The following PDE4A variants were observed in gnomAD, a reference collection of about 807,000 sequenced individuals.
PDE4A encodes the protein phosphodiesterase 4A, also known as 3',5'-cyclic-AMP phosphodiesterase 4A.
Under a neutral mutation model 73.9 loss-of-function variants are expected in PDE4A, and 21 were observed. The ratio of observed to expected loss-of-function variants is 0.28; its 90% CI spans 0.20 to 0.41. The LOEUF (loss-of-function observed/expected upper bound fraction) is 0.41. Among genes scored for constraint, PDE4A ranks in the 10% least tolerant of loss-of-function variants. The pLI is 1.00. For missense variants in PDE4A, 958 were observed against 1,211.4 expected, an observed-to-expected ratio of 0.79 and a Z score of 3.10; for synonymous variants, 463 against 505.4, an observed-to-expected ratio of 0.92 and a Z score of 1.13.
Position 10,420,877 on chromosome 19 carries a change from G to T in PDE4A, c.113G>T (p.Arg38Leu). 1 of 1,589,576 alleles carries T rather than the reference G, an allele frequency of 6.3e-7. No individual in the cohort carries two copies. The highest frequency in any genetic ancestry group is 2.3e-5 in the East Asian group (1 of 43,720). ...CCGCAGCACCTGTGGCGGCAGCCTC[G>T]GACCCCCATCCGTATCCAGCAGCGC... Reference protein sequence around the residue: ...PPPQHLWRQPRTPIRIQQRGY... With the variant: ...PPPQHLWRQPLTPIRIQQRGY... The change falls in exon 1 of 15, where the codon CGG (arginine) becomes CTG (leucine). Residue 38 changes from arginine to leucine, a missense_variant. This residue lies in a region of PDE4A where 145 missense variants were observed against 137.8 expected (regional missense o/e 1.05). Coordinates refer to ENST00000380702, the MANE Select transcript of PDE4A (RefSeq NM_001111307.2). The surrounding 1 kb of genome is among the most constrained non-coding windows in gnomAD (Gnocchi z 6.0).
chr19:10,461,068 A>T lies in PDE4A; in HGVS notation c.1430A>T (p.His477Leu). Residue 477 changes from histidine to leucine, a missense_variant, in exon 11 of 15, where the codon CAC becomes CTC. Physicochemically the swap from His to Leu is moderately conservative, Grantham distance 99. This residue lies in a region of PDE4A where 570 missense variants were observed against 827.7 expected (regional missense o/e 0.69). Transcript: ENST00000380702. ...GCGGCTGCCATCCACGATGTGGATCACCCTGGGGTCTCCAACCAGTTCCTC... is the reference window on the plus strand; with the variant it reads ...GCGGCTGCCATCCACGATGTGGATCTCCCTGGGGTCTCCAACCAGTTCCTC... ...LFAAAIHDVD[H>L]PGVSNQFLIN... The T allele has an allele frequency of 6.2e-7, 1 of 1,613,316 alleles. No individual in the cohort carries two copies. Among genetic ancestry groups the T allele is most frequent in the Non-Finnish European group, 8.5e-7 (1 of 1,179,492 alleles).
At chr19:10,437,990 G>A (rs2042887671) in intron 1 of PDE4A, among the ~76,000 whole-genome samples, 1 of 151,302 alleles carries the variant, frequency 6.6e-6, no homozygotes, top group African/African-American at 2.4e-5. Context: ...TTCATTTTTT[G>A]TAGAGATAGG....
Position 10,453,356 on chromosome 19 carries a change from G to GC in PDE4A, c.784-1472dup, listed in dbSNP as rs745608937. ...TAGGAGAGTGCAGGGTAGGGGGTGG[G>GC]CGGGCATCCTGGTGAGCTGGGCCCC... On this transcript the variant is annotated intron_variant, in intron 6 of 14. Transcript: ENST00000380702. The surrounding 1 kb of genome is among the most constrained non-coding windows in gnomAD (Gnocchi z 4.6). 6.2e-6 allele frequency: 10 copies of GC among 1,603,776 alleles called. No individual in the cohort carries two copies. The highest frequency in any genetic ancestry group is 2.7e-5 in the African/African-American group (2 of 74,574).
intron 14 of PDE4A, chr19:10,464,418 T>C: frequency 2.2e-6 from 1 of 455,024 alleles, no homozygotes; most frequent in South Asian, 1.6e-5. Context: ...TTTATTTAGG[T>C]TTTATTTATT....
rs1568376713 is a variant in PDE4A, at chr19:10,450,598, T to C, written c.621-5T>C. The C allele has an allele frequency of 5.6e-6, 9 of 1,604,210 alleles. No homozygotes were observed. Among genetic ancestry groups the C allele is most frequent in the Non-Finnish European group, 7.7e-6 (9 of 1,176,130 alleles). On this transcript the variant is annotated splice_polypyrimidine_tract_variant and splice_region_variant and intron_variant, in intron 4 of 14. Coordinates refer to ENST00000380702, the MANE Select transcript of PDE4A (RefSeq NM_001111307.2). Reference sequence around the variant, plus strand: ...CATTGCAGCCCCATTTTTTTTTTTCTGCAGGCGGTCCCCGCTGGGCGGCCC... The same window carrying C: ...CATTGCAGCCCCATTTTTTTTTTTCCGCAGGCGGTCCCCGCTGGGCGGCCC...
chr19:10,420,502 C>T (rs542350928), upstream of PDE4A: 11 of 916,404 alleles, frequency 1.2e-5, no homozygotes, highest in East Asian at 7.1e-4. The surrounding 1 kb of genome is among the most constrained non-coding windows in gnomAD (Gnocchi z 6.0). Flanking sequence ...GGGCTGGCGC[C>T]GAGCGGGCCG....
At chr19:10,438,828 A>G (rs2042899618) in intron 1 of PDE4A, among the ~76,000 whole-genome samples, 1 of 151,194 alleles carries the variant, frequency 6.6e-6, no homozygotes, top group Non-Finnish European at 1.5e-5. Context: ...CTGGTCTCGA[A>G]CTCCCAACCT....
intron 1 of PDE4A, among the ~76,000 whole-genome samples, chr19:10,440,916 T>C (rs2042929268): frequency 6.6e-6 from 1 of 151,388 alleles, no homozygotes. Context: ...TTTTTTTTTT[T>C]TGGTTGAGAC....
At chr19:10,454,466 C>T (rs868637009) in intron 6 of PDE4A, among the ~76,000 whole-genome samples, 6 of 152,212 alleles carry the variant, frequency 3.9e-5, no homozygotes, top group Admixed American at 2.6e-4. Flanking sequence ...TAAGGAGACT[C>T]CCATCGCCAT....
rs777342589 is a variant in PDE4A at position 10,467,329 on chromosome 19, C to G, written c.2369C>G (p.Pro790Arg). 1.2e-6 allele frequency: 2 copies of G among 1,614,202 alleles called. No individual in the cohort carries two copies. The highest frequency in any genetic ancestry group is 1.1e-5 in the South Asian group (1 of 91,088). The change falls in exon 15 of 15, where the codon CCT becomes CGT. Residue 790 changes from proline (P) to arginine (R), a missense_variant. By Grantham distance (103) the Pro-to-Arg change is moderately radical. Around this residue, in one of 3 missense-constraint regions of PDE4A, gnomAD observed 243 missense variants for 245.9 expected, o/e 0.99. Transcript: ENST00000380702. The stretch of plus-strand genomic sequence containing the variant: ...CAGGCACAGTCCACAGGCAGTGCAC[C>G]TGTGGCTCCGGATGAGTTCTCGTCC... ...TQQAQSTGSA[P>R]VAPDEFSSRE...
chr19:10,449,534 AT>A (rs2043061471), intron 4 of PDE4A, among the ~76,000 whole-genome samples: 1 of 151,670 alleles, frequency 6.6e-6, no homozygotes, highest in South Asian at 2.1e-4. Context: ...TAATTTTTGT[AT>A]TTTTAGTAGA....
In PDE4A at chr19:10,461,114, C is replaced by G; in HGVS notation, c.1465+11C>G. 2 of 1,605,780 alleles carry G rather than the reference C, an allele frequency of 1.2e-6. No individual in the cohort carries two copies. The highest frequency in any genetic ancestry group is 1.7e-6 in the Non-Finnish European group (2 of 1,173,488). On this transcript the variant is annotated intron_variant, in intron 11 of 14. Coordinates refer to ENST00000380702, the MANE Select transcript of PDE4A (RefSeq NM_001111307.2). ...TCCTCATCAACACCAGTGAGTGGCC[C>G]TCGCCAGGGGCGGGGTTTGCTGAGT...
chr19:10,448,711 A>T, intron 2 of PDE4A: 1 of 527,720 alleles, frequency 1.9e-6, no homozygotes, highest in Non-Finnish European at 2.4e-6. Context: ...CCCCGGACCT[A>T]CCTGAGCCAC....
Position 10,439,901 on chromosome 19 carries a change from G to A in PDE4A, c.321-6317G>A, listed in dbSNP as rs538104655. 4.9e-4 allele frequency among the ~76,000 whole-genome samples: 75 copies of A among 152,052 alleles called. 1 individual carries two copies. Among genetic ancestry groups the A allele is most frequent in the Non-Finnish European group, 9.9e-4 (67 of 67,994 alleles). The stretch of plus-strand genomic sequence containing the variant: ...CAAAATACCCTCCTTGGCATTGCAT[G>A]CAGGGGATGGAGGAACCCTAAGATC... On this transcript the variant is annotated intron_variant, in intron 1 of 14. Transcript: ENST00000380702.
At chr19:10,439,170 G>T (rs947522682) in intron 1 of PDE4A, among the ~76,000 whole-genome samples, 1 of 151,864 alleles carries the variant, frequency 6.6e-6, no homozygotes, top group African/African-American at 2.4e-5. Context: ...TTTGTTTTGA[G>T]GGTTTTTTGT....
chr19:10,431,612 G>A (rs2042789318), intron 1 of PDE4A, among the ~76,000 whole-genome samples: 1 of 152,228 alleles, frequency 6.6e-6, no homozygotes, highest in Non-Finnish European at 1.5e-5. Flanking sequence ...ATATCCTGGA[G>A]GCAGAAGTTG....
chr19:10,461,071 C>T lies in PDE4A; in HGVS notation c.1433C>T (p.Pro478Leu). The T allele has an allele frequency of 6.2e-7, 1 of 1,613,498 alleles. No individual in the cohort carries two copies. The highest frequency in any genetic ancestry group is 8.5e-7 in the Non-Finnish European group (1 of 1,179,546). Residue 478 changes from proline (P) to leucine (L), a missense_variant, in exon 11 of 15, where the codon CCT (proline) becomes CTT (leucine). Transcript: ENST00000380702. Reference sequence around the variant, plus strand: ...GCTGCCATCCACGATGTGGATCACCCTGGGGTCTCCAACCAGTTCCTCATC... The same window carrying T: ...GCTGCCATCCACGATGTGGATCACCTTGGGGTCTCCAACCAGTTCCTCATC... Reference protein sequence around the residue: ...FAAAIHDVDHPGVSNQFLINT... With the variant: ...FAAAIHDVDHLGVSNQFLINT...
chr19:10,439,860 A>G (rs981181400), intron 1 of PDE4A, among the ~76,000 whole-genome samples: 5 of 152,160 alleles, frequency 3.3e-5, no homozygotes, highest in African/African-American at 1.2e-4. Flanking sequence ...AAGGTGGCTC[A>G]GGACACAGCT....
chr19:10,453,255 G>C lies in PDE4A; in HGVS notation c.784-1574G>C. 1 of 1,611,636 alleles carries C rather than the reference G, an allele frequency of 6.2e-7. No individual in the cohort carries two copies. Among genetic ancestry groups the C allele is most frequent in the Non-Finnish European group, 8.5e-7 (1 of 1,178,960 alleles). ...TGTGCAGCAGCCCCAGGCGGGCTAA[G>C]TCTCCAAGATGCCCTTGGTGGATTT... On this transcript the variant is annotated intron_variant, in intron 6 of 14. Coordinates refer to ENST00000380702, the MANE Select transcript of PDE4A (RefSeq NM_001111307.2). This position sits in a 1 kb window ranked among gnomAD's most constrained non-coding sequence, Gnocchi z 4.6.
Sources: allele counts gnomAD v4.1 joint callset (sites outside exome capture counted in the v4.1 genomes callset), GRCh38; gene constraint gnomAD v4.1.1; regional missense constraint gnomAD v4.1.1; non-coding constraint Gnocchi (gnomAD v3.1); transcripts MANE v1.5; gene names NCBI Gene and HGNC (gene_info 2026-07-23, HGNC 2026-07-21).